The following MTHFD2 variants were observed in gnomAD, a reference collection of about 807,000 sequenced individuals.
MTHFD2 encodes the protein bifunctional methylenetetrahydrofolate dehydrogenase/cyclohydrolase, mitochondrial.
MTHFD2 carries 26 observed loss-of-function variants against 36.8 expected under a neutral mutation model. The observed-to-expected ratio is 0.71, with a 90% confidence interval of 0.52 to 0.98. MTHFD2 has a LOEUF of 0.98. Ranked by LOEUF, MTHFD2 falls within the 50% of genes least tolerant of loss-of-function variation. MTHFD2 has a pLI of 0.00. For missense variants in MTHFD2, 373 were observed against 434.0 expected (o/e 0.86, Z 1.25); for synonymous variants, 164 against 155.2 (o/e 1.06, Z -0.42).
chr2:74,206,778 G>A (rs1175376420), intron 2 of MTHFD2, among the ~76,000 whole-genome samples: 2 of 152,088 alleles, frequency 1.3e-5, no homozygotes. Flanking sequence ...GCGTGATCTC[G>A]GCTCTCCGCA....
At chr2:74,213,351 A>ACTGCAACCT (rs1694353690) in intron 7 of MTHFD2, among the ~76,000 whole-genome samples, 2 of 124,634 alleles carry the variant, frequency 1.6e-5, no homozygotes, top group South Asian at 4.7e-4. Flanking sequence ...ATCTCAGCTT[A>ACTGCAACCT]CTGCAACCTC....
In MTHFD2 at chr2:74,208,622, G is replaced by T; in HGVS notation, c.463G>T (p.Asp155Tyr). The change falls in exon 4 of 8, where the codon GAT becomes TAT. Residue 155 changes from aspartate to tyrosine, a missense_variant. Transcript: ENST00000394053. Reference protein sequence around the residue: ...CNAVSPDKDVDGFHVINVGRM... With the variant: ...CNAVSPDKDVYGFHVINVGRM... Reference sequence around the variant, plus strand: ...TGCTGTTTCTCCAGACAAGGATGTTGATGGCTTTCATGTAATTAATGTAGG... The same window carrying T: ...TGCTGTTTCTCCAGACAAGGATGTTTATGGCTTTCATGTAATTAATGTAGG... 1.2e-6 allele frequency: 2 copies of T among 1,614,160 alleles called. No homozygotes were observed. The highest frequency in any genetic ancestry group is 1.7e-6 in the Non-Finnish European group (2 of 1,180,014).
intron 7 of MTHFD2, among the ~76,000 whole-genome samples, chr2:74,212,261 CTCT>C (rs1208480334): frequency 2.1e-4 from 9 of 42,234 alleles, no homozygotes; most frequent in African/African-American, 6.5e-4. Context: ...TCGTTTCTTT[CTCT>C]TTTTTTTTTT....
chr2:74,212,200 C>T (rs1207871917), intron 7 of MTHFD2, among the ~76,000 whole-genome samples: 1 of 144,714 alleles, frequency 6.9e-6, no homozygotes, highest in African/African-American at 2.6e-5. Flanking sequence ...ATCTCTCTCC[C>T]TTCCTTCCTT....
In MTHFD2 at chr2:74,211,809, A is replaced by G. The variant is rs1694309868; in HGVS notation, c.832A>G (p.Arg278Gly). 1.9e-6 allele frequency: 3 copies of G among 1,611,980 alleles called. No individual in the cohort carries two copies. In the East Asian group the frequency reaches 6.7e-5, roughly 36 times the overall value. The change falls in exon 7 of 8, where the codon AGA becomes GGA. Residue 278 changes from arginine to glycine, a missense_variant. Transcript: ENST00000394053. Reference protein sequence around the residue: ...GAAVIDVGINRVHDPVTAKPK... With the variant: ...GAAVIDVGINGVHDPVTAKPK... ...AGCAGTCATTGATGTGGGAATAAAT[A>G]GAGTTCACGATCCTGTAACTGCCAA...
At chr2:74,206,531 G>C (rs1383677803) in intron 2 of MTHFD2, 2 of 152,316 alleles carry the variant, frequency 1.3e-5, no homozygotes, top group Non-Finnish European at 2.9e-5. Flanking sequence ...CTGTGGGCCT[G>C]TGGTCTGAGC....
At chr2:74,207,658 T>C in intron 2 of MTHFD2, 46 bp from the exon 3 acceptor site, 3 of 1,560,684 alleles carry the variant, frequency 1.9e-6, no homozygotes, top group Non-Finnish European at 1.8e-6. Flanking sequence ...GCAGTGCTCA[T>C]TAAATGCCTC....
chr2:74,214,314 A>G lies in MTHFD2; in HGVS notation c.*72A>G. 1 of 1,488,760 alleles carries G rather than the reference A, an allele frequency of 6.7e-7. No homozygotes were observed. Among genetic ancestry groups the G allele is most frequent in the East Asian group, 2.3e-5 (1 of 43,634 alleles). The allele number at this position is 1,488,760 out of a possible 1,614,324, so 92.2% of individuals were successfully genotyped here. ...AAGCAAAGCAGGCCAATAGAAATGC[A>G]ATATTTTTAATTTATTCTACTGAAA... On this transcript the variant is annotated 3_prime_UTR_variant, in exon 8 of 8. Transcript: ENST00000394053.
chr2:74,210,308 A>T (rs372106311), intron 5 of MTHFD2, among the ~76,000 whole-genome samples: 9 of 152,368 alleles, frequency 5.9e-5, no homozygotes, highest in African/African-American at 1.9e-4. Context: ...GTAGGCAATT[A>T]GAAAATTTCA....
chr2:74,203,906 G>GTTAGT (rs1553448380), intron 1 of MTHFD2, among the ~76,000 whole-genome samples: 628 of 29,496 alleles, frequency 0.021, 18 homozygotes, highest in South Asian at 0.065. Context: ...GTTTAGTTTA[G>GTTAGT]TTAGTTTAGT....
Position 74,214,222 on chromosome 2 carries a change from C to G in MTHFD2, c.1033C>G (p.Leu345Val). ...EEREVLKSKE[L>V]GVATN ...GCGAGAAGTGCTGAAGTCTAAAGAG[C>G]TTGGGGTAGCCACTAATTAACTACT... is the stretch of plus-strand genomic sequence containing the variant. The change falls in exon 8 of 8, where the codon CTT becomes GTT. Residue 345 changes from leucine to valine, a missense_variant. Coordinates refer to ENST00000394053, the MANE Select transcript of MTHFD2 (RefSeq NM_006636.4). 1 of 1,613,902 alleles carries G rather than the reference C, an allele frequency of 6.2e-7. No homozygotes were observed. The highest frequency in any genetic ancestry group is 8.5e-7 in the Non-Finnish European group (1 of 1,179,858).
Position 74,198,662 on chromosome 2 carries a change from G to A in MTHFD2, c.21G>A (p.Met7Ile), listed in dbSNP as rs773639716. ...GGTCTATGGCTGCGACTTCTCTAAT[G>A]TCTGCTTTGGCTGCCCGGCTGCTGC... MAATSL[M>I]SALAARLLQP... The change falls in exon 1 of 8, where the codon ATG becomes ATA. Residue 7 changes from methionine (M) to isoleucine (I), a missense_variant. Around this residue, in one of 2 missense-constraint regions of MTHFD2, gnomAD observed 65 missense variants for 36.1 expected, o/e 1.80. Transcript: ENST00000394053. 10 of 1,610,644 alleles carry A rather than the reference G, an allele frequency of 6.2e-6. No homozygotes were observed. The African/African-American group carries it at 1.3e-4, about 22-fold the overall frequency.
At position 74,205,712 on chromosome 2, in the gene MTHFD2, G is replaced by T; in HGVS notation, c.109G>T (p.Ala37Ser). The T allele has an allele frequency of 6.2e-7, 1 of 1,613,660 alleles. No individual in the cohort carries two copies. The change falls in exon 2 of 8, where the codon GCT becomes TCT. Residue 37 changes from alanine to serine, a missense_variant. Around this residue, in one of 2 missense-constraint regions of MTHFD2, gnomAD observed 308 missense variants for 397.8 expected, o/e 0.77. Coordinates refer to ENST00000394053, the MANE Select transcript of MTHFD2 (RefSeq NM_006636.4). ...CTCTGTTGCCTTCTGCAGAAATGAA[G>T]CTGTTGTCATTTCTGGAAGGAAACT... ...PFHLAAVRNE[A>S]VVISGRKLAQ...
At chr2:74,203,884 T>C (rs1320956381) in intron 1 of MTHFD2, among the ~76,000 whole-genome samples, 2 of 32,298 alleles carry the variant, frequency 6.2e-5, no homozygotes, top group African/African-American at 2.2e-4. Context: ...TAGTTTAGTT[T>C]AGTTTAGTTT....
At chr2:74,200,050 T>C (rs1220829212) in intron 1 of MTHFD2, among the ~76,000 whole-genome samples, 1 of 152,196 alleles carries the variant, frequency 6.6e-6, no homozygotes. Flanking sequence ...TTCCAGTCAG[T>C]GCGGAAATGC....
intron 1 of MTHFD2, among the ~76,000 whole-genome samples, chr2:74,204,527 C>T (rs999016791): frequency 2.6e-5 from 4 of 152,182 alleles, no homozygotes; most frequent in Admixed American, 2.6e-4. Flanking sequence ...TTTGAACTGC[C>T]TCAGGGACGA....
chr2:74,199,180 G>T (rs956647622), intron 1 of MTHFD2, among the ~76,000 whole-genome samples: 1 of 152,184 alleles, frequency 6.6e-6, no homozygotes, highest in African/African-American at 2.4e-5. Context: ...TTGTCCTTGC[G>T]GGGACCCTAG....
At position 74,205,773 on chromosome 2, in the gene MTHFD2, T is replaced by G. The variant is rs1331351076; in HGVS notation, c.170T>G (p.Val57Gly). The G allele has an allele frequency of 4.3e-6, 7 of 1,613,042 alleles. No homozygotes were observed. In the South Asian group the frequency reaches 7.7e-5, roughly 18 times the overall value. Residue 57 changes from valine (V) to glycine (G), a missense_variant, in exon 2 of 8, where the codon GTA (valine) becomes GGA (glycine). Physicochemically the swap from Val to Gly is moderately radical, Grantham distance 109 (BLOSUM62 -3). Coordinates refer to ENST00000394053, the MANE Select transcript of MTHFD2 (RefSeq NM_006636.4). ...ATCAAGCAGGAAGTGCGGCAGGAGG[T>G]AGAAGAGTGGGTGGCCTCAGGCAAC... ...QQIKQEVRQE[V>G]EEWVASGNKR...
chr2:74,211,430 A>ATAGAGTTGT (rs1694301777), intron 6 of MTHFD2, 139 bp downstream of exon 6: 2 of 614,502 alleles, frequency 3.3e-6, no homozygotes, highest in Admixed American at 3.2e-5. Flanking sequence ...AAAGATGAGG[A>ATAGAGTTGT]TAGAGTTGTG....
Sources: allele counts gnomAD v4.1 joint callset (sites outside exome capture counted in the v4.1 genomes callset), GRCh38; gene constraint gnomAD v4.1.1; regional missense constraint gnomAD v4.1.1; transcripts MANE v1.5; gene names NCBI Gene and HGNC (gene_info 2026-07-23, HGNC 2026-07-21).